Variants in DTD1 observed in about 807,000 individuals in gnomAD.
DTD1 encodes D-tyrosyl-tRNA deacylase 1 homolog.
In DTD1, 13 loss-of-function variants were observed where a neutral mutation model predicts 25.6. That is an observed-to-expected ratio of 0.51 (90% confidence interval 0.33 to 0.81). The LOEUF is 0.81. DTD1 is among the 30% of genes least tolerant of loss of function. The probability of loss-of-function intolerance (pLI) is 0.02; values close to 1 mark genes in which losing one functional copy is unlikely to be tolerated. For synonymous variants in DTD1, 110 were observed against 103.6 expected (o/e 1.06, Z -0.37); for missense variants, 193 against 266.4 (o/e 0.72, Z 1.92).
intron 5 of DTD1, among the ~76,000 whole-genome samples, chr20:18,744,773 C>T (rs990914195): frequency 6.6e-6 from 1 of 152,030 alleles, no homozygotes; most frequent in African/African-American, 2.4e-5. Context: ...CCAGGCCCCT[C>T]ATCTTGAATT....
chr20:18,609,618 G>A (rs954392822), intron 3 of DTD1, among the ~76,000 whole-genome samples: 1 of 152,054 alleles, frequency 6.6e-6, no homozygotes, highest in Non-Finnish European at 1.5e-5. Context: ...CTCATTTGAT[G>A]TGCTCATGTT....
At chr20:18,670,010 C>T (rs1004340335) in intron 4 of DTD1, among the ~76,000 whole-genome samples, 2 of 152,194 alleles carry the variant, frequency 1.3e-5, no homozygotes, top group African/African-American at 4.8e-5. Flanking sequence ...TATGCTCTAA[C>T]TCTGTCACCT....
intron 3 of DTD1, among the ~76,000 whole-genome samples, chr20:18,620,844 C>G (rs1443005256): frequency 6.6e-6 from 1 of 152,202 alleles, no homozygotes; most frequent in Non-Finnish European, 1.5e-5. Context: ...CCTCCTGCCT[C>G]TCAGCCTCCC....
intron 4 of DTD1, among the ~76,000 whole-genome samples, chr20:18,719,912 A>T (rs1335553755): frequency 6.6e-6 from 1 of 152,238 alleles, no homozygotes; most frequent in Non-Finnish European, 1.5e-5. Flanking sequence ...TATTGTTATC[A>T]CCATTTATCA....
chr20:18,607,729 T>C (rs2060666648), intron 3 of DTD1, among the ~76,000 whole-genome samples: 2 of 152,132 alleles, frequency 1.3e-5, no homozygotes, highest in Admixed American at 1.3e-4. Flanking sequence ...TCTTTTTTTT[T>C]TTGAGATAGA....
At chr20:18,597,154 AGTGTGTGTGTGTGTGTGTGTGTGTGTGT>A (rs4052788) in intron 3 of DTD1, among the ~76,000 whole-genome samples, 1 of 143,462 alleles carries the variant, frequency 7.0e-6, no homozygotes, top group African/African-American at 2.6e-5. Context: ...GATGAGAGAA[AGTGTGTGTGTGTGTGTGTGTGTGTGTGT>A]GTGTGTGTGT....
chr20:18,755,411 C>T (rs1175396906), intron 5 of DTD1, among the ~76,000 whole-genome samples: 2 of 152,012 alleles, frequency 1.3e-5, no homozygotes, highest in Non-Finnish European at 2.9e-5. Context: ...TAATGCTATC[C>T]CTCCCCTCTC....
Position 18,625,701 on chromosome 20 carries a change from G to T in DTD1, c.371-2426G>T, listed in dbSNP as rs1408265392. 3.9e-5 allele frequency among the ~76,000 whole-genome samples: 6 copies of T among 152,210 alleles called. No individual in the cohort carries two copies. In the East Asian group the frequency reaches 1.2e-3, roughly 29 times the overall value. ...CCACTGATTTGCTTAATTTCTTGAG[G>T]TCCCAGCCTGTAACCCACTGTTGGG... On this transcript the variant is annotated intron_variant, in intron 3 of 5. Coordinates refer to ENST00000377452, the MANE Select transcript of DTD1 (RefSeq NM_080820.6).
intron 4 of DTD1, among the ~76,000 whole-genome samples, chr20:18,719,237 A>G (rs527268968): frequency 5.7e-4 from 83 of 146,624 alleles, no homozygotes; most frequent in East Asian, 4.1e-3. Flanking sequence ...GTGTGTGTGT[A>G]TATATATATG....
At chr20:18,658,864 CAG>C (rs2060899410) in intron 4 of DTD1, among the ~76,000 whole-genome samples, 1 of 152,172 alleles carries the variant, frequency 6.6e-6, no homozygotes, top group African/African-American at 2.4e-5. Context: ...GACTGTGGTG[CAG>C]AGTGAGCCTT....
intron 4 of DTD1, among the ~76,000 whole-genome samples, chr20:18,721,971 T>C (rs942996215): frequency 2.0e-5 from 3 of 152,184 alleles, no homozygotes; most frequent in African/African-American, 7.2e-5. Context: ...CAGAATTAAG[T>C]CAGGGCAACC....
intron 4 of DTD1, chr20:18,643,575 C>T (rs551277776): frequency 6.5e-6 from 1 of 154,866 alleles, no homozygotes; most frequent in African/African-American, 2.4e-5. Context: ...GGTGCAACTG[C>T]ACCTATGACT....
chr20:18,685,156 T>C (rs373069402), intron 4 of DTD1, among the ~76,000 whole-genome samples: 16 of 152,248 alleles, frequency 1.1e-4, no homozygotes, highest in African/African-American at 3.9e-4. Context: ...TCCCAATTAC[T>C]GAGTTTACAA....
intron 4 of DTD1, among the ~76,000 whole-genome samples, chr20:18,739,646 T>A (rs2061269317): frequency 6.6e-6 from 1 of 152,256 alleles, no homozygotes; most frequent in Non-Finnish European, 1.5e-5. Context: ...ATATTCTCCT[T>A]GACATGCATC....
rs1401482507 is a variant in DTD1 at position 18,687,009 on chromosome 20, T to C, written c.478-57091T>C. ...TAGAAAGATACATACAGAGCTTAGA[T>C]TCTGGTCTATTGGGGGTTGTATGGA... On this transcript the variant is annotated intron_variant, in intron 4 of 5. Transcript: ENST00000377452. 2.0e-5 allele frequency among the ~76,000 whole-genome samples: 3 copies of C among 152,278 alleles called. No individual in the cohort carries two copies. In the East Asian group the frequency reaches 5.8e-4, roughly 29 times the overall value.
intron 1 of DTD1, among the ~76,000 whole-genome samples, chr20:18,591,903 A>T (rs1426359824): frequency 6.6e-6 from 1 of 152,248 alleles, no homozygotes; most frequent in Non-Finnish European, 1.5e-5. Flanking sequence ...AAGGACAATA[A>T]GTCACACACA....
In DTD1 at chr20:18,682,329, G is replaced by A. The variant is rs566232995; in HGVS notation, c.477+54096G>A. The stretch of plus-strand genomic sequence containing the variant: ...GTGATGAGAGATTTCTTCGCCCATT[G>A]TTGGACATTGTGCTGTAAACTGTGT... On this transcript the variant is annotated intron_variant, in intron 4 of 5. Coordinates refer to ENST00000377452, the MANE Select transcript of DTD1 (RefSeq NM_080820.6). Among the ~76,000 whole-genome samples, 29 of 152,324 alleles carry A rather than the reference G, an allele frequency of 1.9e-4. 1 individual carries two copies. Among genetic ancestry groups the A allele is most frequent in the Admixed American group, 1.6e-3 (25 of 15,304 alleles).
intron 4 of DTD1, among the ~76,000 whole-genome samples, chr20:18,738,470 C>T (rs889237754): frequency 1.3e-5 from 2 of 152,218 alleles, no homozygotes; most frequent in Non-Finnish European, 2.9e-5. Flanking sequence ...GCTGGCTCAA[C>T]TCTGCCGGGG....
At chr20:18,719,400 G>C (rs888500357) in intron 4 of DTD1, among the ~76,000 whole-genome samples, 2 of 152,212 alleles carry the variant, frequency 1.3e-5, no homozygotes, top group Non-Finnish European at 2.9e-5. Flanking sequence ...AGTTTTTGTA[G>C]GTGAGTCCTT....
Sources: allele counts gnomAD v4.1 joint callset (sites outside exome capture counted in the v4.1 genomes callset), GRCh38; gene constraint gnomAD v4.1.1; transcripts MANE v1.5; gene names NCBI Gene and HGNC (gene_info 2026-07-23, HGNC 2026-07-21).